Variants in SEMA5B observed in about 807,000 individuals in gnomAD.
SEMA5B encodes the protein semaphorin-5B.
SEMA5B carries 66 observed loss-of-function variants against 135.0 expected under a neutral mutation model. The observed-to-expected ratio is 0.49, with a 90% CI of 0.40 to 0.60. The LOEUF is 0.60. Ranked by LOEUF, SEMA5B falls within the 20% of genes least tolerant of loss-of-function variation. The pLI, the probability that SEMA5B is intolerant of heterozygous loss-of-function variation, is 0.00. For synonymous variants in SEMA5B, 690 were observed against 639.5 expected (o/e 1.08, Z -1.19); for missense variants, 1,501 against 1,566.3 (o/e 0.96, Z 0.70).
rs534137074 is a variant in SEMA5B, at chr3:122,943,642, G to A, written c.329-107C>T. 141 of 790,760 alleles carry A rather than the reference G, an allele frequency of 1.8e-4. No homozygotes were observed. In the African/African-American group the frequency reaches 2.1e-3, roughly 12 times the overall value. 49.0% of individuals were successfully genotyped at this position (790,760 alleles called of 1,614,324 possible). ...GGTGAAAGTCAGGGGGAAGTGGGGC[G>A]GTGGCACCCGGGAGACCTGGTGCCA... On this transcript the variant is annotated intron_variant, in intron 3 of 22. Transcript: ENST00000357599.
At chr3:122,998,349 A>T (rs1167676256) in intron 1 of SEMA5B, among the ~76,000 whole-genome samples, 1 of 150,812 alleles carries the variant, frequency 6.6e-6, no homozygotes, top group Non-Finnish European at 1.5e-5. Context: ...GGGCTTTGGG[A>T]TCAAGAACCT....
At chr3:122,948,447 C>T in intron 3 of SEMA5B, 59 bp downstream of exon 3, 2 of 1,464,908 alleles carry the variant, frequency 1.4e-6, no homozygotes, top group East Asian at 2.4e-5. Flanking sequence ...CAAGGTCTGA[C>T]CTAAGTCCTT....
chr3:122,965,748 A>G (rs1189148746), intron 1 of SEMA5B, among the ~76,000 whole-genome samples: 1 of 152,224 alleles, frequency 6.6e-6, no homozygotes, highest in Non-Finnish European at 1.5e-5. Context: ...CTCTAGGGAG[A>G]TAAGTAAGTA....
intron 1 of SEMA5B, among the ~76,000 whole-genome samples, chr3:122,987,750 C>A (rs1941747256): frequency 6.6e-6 from 1 of 152,156 alleles, no homozygotes; most frequent in South Asian, 2.1e-4. Flanking sequence ...GAGAAGAGAG[C>A]CACTGAAATT....
At chr3:123,020,784 T>C (rs2107829132) in intron 1 of SEMA5B, among the ~76,000 whole-genome samples, 1 of 152,236 alleles carries the variant, frequency 6.6e-6, no homozygotes, top group South Asian at 2.1e-4. Context: ...GCTCTGCAGG[T>C]GGTTTTTACG....
rs142691669 is a variant in SEMA5B, at chr3:122,989,895, G to A, written c.-38-28594C>T. On this transcript the variant is annotated intron_variant, in intron 1 of 22. Transcript: ENST00000357599. ...CAAACTGATTCTGCGTAGTTAGGCAGAGACCATGAAGACTCAGGGCCCTAA... is the reference window on the plus strand; with the variant it reads ...CAAACTGATTCTGCGTAGTTAGGCAAAGACCATGAAGACTCAGGGCCCTAA... 1.8e-3 allele frequency among the ~76,000 whole-genome samples: 274 copies of A among 152,334 alleles called. 1 individual carries two copies. Among genetic ancestry groups the A allele is most frequent in the Non-Finnish European group, 2.7e-3 (187 of 68,030 alleles).
At chr3:122,921,827 C>A in intron 12 of SEMA5B, 88 bp downstream of exon 12, 1 of 1,155,054 alleles carries the variant, frequency 8.7e-7, no homozygotes, top group Non-Finnish European at 1.2e-6. Flanking sequence ...CTGCAGGGAC[C>A]GACCCCAGGT....
At chr3:123,024,540 C>T (rs1319264812) in intron 1 of SEMA5B, among the ~76,000 whole-genome samples, 1 of 152,230 alleles carries the variant, frequency 6.6e-6, no homozygotes, top group Non-Finnish European at 1.5e-5. Context: ...CTTTGCTCTG[C>T]ATGTGGAACC....
At chr3:122,962,390 C>T (rs1416821967) in intron 1 of SEMA5B, among the ~76,000 whole-genome samples, 4 of 152,122 alleles carry the variant, frequency 2.6e-5, no homozygotes, top group East Asian at 1.9e-4. Context: ...TCGGGAAGCC[C>T]GACATGCAGG....
At position 122,913,952 on chromosome 3, in the gene SEMA5B, A is replaced by T; in HGVS notation, c.2038T>A (p.Cys680Ser). 1 of 1,612,258 alleles carries T rather than the reference A, an allele frequency of 6.2e-7. No individual in the cohort carries two copies. Among genetic ancestry groups the T allele is most frequent in the Non-Finnish European group, 8.5e-7 (1 of 1,179,852 alleles). The stretch of plus-strand genomic sequence containing the variant: ...TGGCGGACCTGGAAGCCGATGCCAC[A>T]GGACGTGCTGCACAGCGCCCACGAT... ...WSSWALCSTSCGIGFQVRQRS... is the reference protein window; with the variant it reads ...WSSWALCSTSSGIGFQVRQRS... The change falls in exon 15 of 23, where the codon TGT (cysteine) becomes AGT (serine). Residue 680 changes from cysteine (C) to serine (S), a missense_variant. By Grantham distance (112) the Cys-to-Ser change is moderately radical. This residue lies in a region of SEMA5B where 927 missense variants were observed against 881.6 expected (regional missense o/e 1.05). Coordinates refer to ENST00000357599, the MANE Select transcript of SEMA5B (RefSeq NM_001031702.4).
chr3:122,913,943 C>T lies in SEMA5B; in HGVS notation c.2047G>A (p.Gly683Ser), dbSNP rs1179013567. 1.2e-6 allele frequency: 2 copies of T among 1,612,444 alleles called. No homozygotes were observed. Among genetic ancestry groups the T allele is most frequent in the Non-Finnish European group, 1.7e-6 (2 of 1,179,902 alleles). ...CAACTTCGCTGGCGGACCTGGAAGCCGATGCCACAGGACGTGCTGCACAGC... is the reference window on the plus strand; with the variant it reads ...CAACTTCGCTGGCGGACCTGGAAGCTGATGCCACAGGACGTGCTGCACAGC... The part of the protein sequence containing the change: ...WALCSTSCGI[G>S]FQVRQRSCSN... Residue 683 changes from glycine to serine, a missense_variant, in exon 15 of 23, where the codon GGC (glycine) becomes AGC (serine). Gly to Ser is a moderately conservative substitution (Grantham distance 56, BLOSUM62 0). Around this residue, in one of 2 missense-constraint regions of SEMA5B, gnomAD observed 927 missense variants for 881.6 expected, o/e 1.05. Coordinates refer to ENST00000357599, the MANE Select transcript of SEMA5B (RefSeq NM_001031702.4).
intron 1 of SEMA5B, among the ~76,000 whole-genome samples, chr3:123,019,839 TC>T (rs1942638065): frequency 6.6e-6 from 1 of 152,068 alleles, no homozygotes; most frequent in South Asian, 2.1e-4. Context: ...GCCTAGGAGT[TC>T]CTATGAAGGG....
rs181342515 is a variant in SEMA5B at position 122,945,480 on chromosome 3, C to G, written c.329-1945G>C. Among the ~76,000 whole-genome samples the G allele has an allele frequency of 1.1e-4, 17 of 152,308 alleles. No individual in the cohort carries two copies. The East Asian group carries it at 3.3e-3, about 29-fold the overall frequency. On this transcript the variant is annotated intron_variant, in intron 3 of 22. Transcript: ENST00000357599. The stretch of plus-strand genomic sequence containing the variant: ...TGGATTACAACCTCTCCACCCTGAT[C>G]TTATTTTGCTCCACATTCTCTCTAT...
At chr3:122,938,789 C>T (rs1450958381) in intron 5 of SEMA5B, among the ~76,000 whole-genome samples, 3 of 152,202 alleles carry the variant, frequency 2.0e-5, no homozygotes, top group Non-Finnish European at 4.4e-5. Context: ...TCAGCCTCTG[C>T]AAAGATGGTT....
At chr3:122,989,526 C>T (rs1169571600) in intron 1 of SEMA5B, among the ~76,000 whole-genome samples, 7 of 152,218 alleles carry the variant, frequency 4.6e-5, no homozygotes, top group Admixed American at 4.6e-4. Flanking sequence ...CCCACAAGGG[C>T]CTCTGGGGCT....
intron 1 of SEMA5B, among the ~76,000 whole-genome samples, chr3:122,974,524 G>A (rs892222794): frequency 6.6e-6 from 1 of 152,258 alleles, no homozygotes; most frequent in Admixed American, 6.5e-5. Flanking sequence ...CTGGGTTTGG[G>A]TATATGGGTT....
chr3:122,947,813 A>C (rs1939857459), intron 3 of SEMA5B, among the ~76,000 whole-genome samples: 1 of 152,246 alleles, frequency 6.6e-6, no homozygotes, highest in Non-Finnish European at 1.5e-5. Flanking sequence ...TGGTTCAAGA[A>C]GTACTAATGT....
intron 1 of SEMA5B, among the ~76,000 whole-genome samples, chr3:122,976,513 G>T (rs1028344684): frequency 1.3e-5 from 2 of 152,148 alleles, no homozygotes; most frequent in African/African-American, 4.8e-5. Flanking sequence ...GGTTGGGCCT[G>T]TGCATCCATG....
At chr3:122,928,789 G>A (rs1938786863) in intron 6 of SEMA5B, among the ~76,000 whole-genome samples, 174 bp from the exon 7 acceptor site, 2 of 152,172 alleles carry the variant, frequency 1.3e-5, no homozygotes, top group Admixed American at 1.3e-4. Flanking sequence ...CTCCCACCAA[G>A]GTCATTTCTC....
Sources: gnomAD v4.1 joint callset for allele counts (sites outside exome capture counted in the v4.1 genomes callset) on GRCh38, gnomAD v4.1.1 for gene constraint, gnomAD v4.1.1 regional missense constraint, MANE v1.5 for transcripts, NCBI Gene and HGNC (gene_info 2026-07-23, HGNC 2026-07-21) for gene names.